Variants in HOMER2 observed in about 807,000 individuals in gnomAD.
HOMER2 encodes homer protein homolog 2.
A neutral mutation model predicts 47.0 loss-of-function variants in HOMER2; 27 were observed. The ratio of observed to expected loss-of-function variants is 0.57; its 90% confidence interval spans 0.42 to 0.79. HOMER2 has a LOEUF of 0.79. Ranked by LOEUF, HOMER2 falls within the 30% of genes least tolerant of loss-of-function variation. The pLI, the probability that HOMER2 is intolerant of heterozygous loss-of-function variation, is 0.00. For missense variants in HOMER2, 443 were observed against 435.0 expected (o/e 1.02, Z -0.16); for synonymous variants, 161 against 163.8 (o/e 0.98, Z 0.13).
At chr15:82,903,175 T>C (rs539006000) in intron 1 of HOMER2, among the ~76,000 whole-genome samples, 7 of 152,254 alleles carry the variant, frequency 4.6e-5, no homozygotes, top group African/African-American at 1.7e-4. Context: ...TTCGCAATCA[T>C]CCAGGCACCT....
chr15:82,923,693 C>T (rs564035575), intron 1 of HOMER2, among the ~76,000 whole-genome samples: 119 of 152,226 alleles, frequency 7.8e-4, no homozygotes, highest in African/African-American at 1.6e-3. Flanking sequence ...CTCCCATGCA[C>T]GCATGCAAGT....
chr15:82,875,183 C>T, intron 3 of HOMER2, 90 bp downstream of exon 3: 2 of 1,455,440 alleles, frequency 1.4e-6, no homozygotes, highest in Non-Finnish European at 1.9e-6. Context: ...AGGAATCCTG[C>T]TCACCAAGGG....
At chr15:82,939,483 A>G (rs895763788) in intron 1 of HOMER2, among the ~76,000 whole-genome samples, 2 of 152,168 alleles carry the variant, frequency 1.3e-5, no homozygotes, top group East Asian at 1.9e-4. Flanking sequence ...CCTGGCCAAC[A>G]TGGCAAAACC....
At chr15:82,951,883 G>T (rs7176998) in intron 1 of HOMER2, 5,364 of 187,634 alleles carry the variant, frequency 0.029, 279 homozygotes, top group African/African-American at 0.12. Flanking sequence ...AGAGCCTACT[G>T]CTCAGAGAGA....
chr15:82,920,386 T>C (rs953981188), intron 1 of HOMER2, among the ~76,000 whole-genome samples: 6 of 152,156 alleles, frequency 3.9e-5, no homozygotes, highest in African/African-American at 1.4e-4. Context: ...GGAATTTATT[T>C]TCTCACAGCT....
intron 1 of HOMER2, among the ~76,000 whole-genome samples, chr15:82,968,149 G>A (rs1278335933): frequency 6.6e-6 from 1 of 152,036 alleles, no homozygotes; most frequent in South Asian, 2.1e-4. Flanking sequence ...TGATCCTCCC[G>A]CCTCAGCTTC....
At chr15:82,890,473 T>C (rs149287470) in intron 2 of HOMER2, among the ~76,000 whole-genome samples, 1 of 152,090 alleles carries the variant, frequency 6.6e-6, no homozygotes, top group African/African-American at 2.4e-5. Flanking sequence ...TGTAAGTGAG[T>C]CTATAGCTTG....
exon 2 of HOMER2, chr15:82,838,818 T>G (rs908735856): frequency 3.9e-5 from 6 of 152,162 alleles, no homozygotes; most frequent in Admixed American, 3.9e-4. Context: ...CTCACTTGAA[T>G]GAAGGAAAAA....
intron 6 of HOMER2, chr15:82,852,528 G>A: frequency 2.8e-6 from 1 of 353,654 alleles, no homozygotes; most frequent in Non-Finnish European, 5.1e-6. Context: ...AAGATGCTCT[G>A]GGCTTCTGGT....
intron 1 of HOMER2, among the ~76,000 whole-genome samples, chr15:82,934,180 C>A (rs1016021973): frequency 6.6e-6 from 1 of 152,140 alleles, no homozygotes; most frequent in Non-Finnish European, 1.5e-5. Flanking sequence ...TGGTGGCCCC[C>A]ATCATGCAGT....
chr15:82,952,515 G>C lies in HOMER2; in HGVS notation c.5+16C>G, dbSNP rs2054530209. On this transcript the variant is annotated intron_variant, in intron 1 of 8. Coordinates refer to ENST00000450735, the MANE Select transcript of HOMER2 (RefSeq NM_004839.4). ...CGGAGGGGCGCGCGGAGAGCGCGCG[G>C]CGCGGGCTCACTCACCCCATCTCCG... 1 of 1,188,960 alleles carries C rather than the reference G, an allele frequency of 8.4e-7. No individual in the cohort carries two copies. Among genetic ancestry groups the C allele is most frequent in the Non-Finnish European group, 1.0e-6 (1 of 959,710 alleles). 73.7% of individuals were successfully genotyped at this position (1,188,960 alleles called of 1,614,324 possible).
Position 82,880,686 on chromosome 15 carries a change from G to A in HOMER2, c.163-5282C>T, listed in dbSNP as rs1026299191. ...ACACTGGAAGATTGTGTTAGGGACCGAGGAGGTGGCTGGACCTGTGGGTTC... is the reference window on the plus strand; with the variant it reads ...ACACTGGAAGATTGTGTTAGGGACCAAGGAGGTGGCTGGACCTGTGGGTTC... On this transcript the variant is annotated intron_variant, in intron 2 of 8. Coordinates refer to ENST00000450735, the MANE Select transcript of HOMER2 (RefSeq NM_004839.4). Among the ~76,000 whole-genome samples the A allele has an allele frequency of 4.6e-5, 7 of 152,310 alleles. No homozygotes were observed. The East Asian group carries it at 7.7e-4, about 17-fold the overall frequency.
intron 1 of HOMER2, among the ~76,000 whole-genome samples, chr15:82,940,760 G>A (rs2054248335): frequency 6.6e-6 from 1 of 151,960 alleles, no homozygotes; most frequent in Non-Finnish European, 1.5e-5. Flanking sequence ...GTGTATGGTG[G>A]CATGTGCCTG....
chr15:82,908,417 A>C (rs1241813774), intron 1 of HOMER2, among the ~76,000 whole-genome samples: 1 of 152,164 alleles, frequency 6.6e-6, no homozygotes, highest in South Asian at 2.1e-4. Flanking sequence ...TGACCATGTC[A>C]AAACTAAGTG....
At chr15:82,908,394 C>T (rs558470664) in intron 1 of HOMER2, among the ~76,000 whole-genome samples, 1 of 152,310 alleles carries the variant, frequency 6.6e-6, no homozygotes, top group Admixed American at 6.5e-5. Flanking sequence ...GTCACTTATA[C>T]TAAAGTTCCA....
At chr15:82,974,265 G>A (rs1289129035) in intron 1 of HOMER2, among the ~76,000 whole-genome samples, 11 of 151,236 alleles carry the variant, frequency 7.3e-5, no homozygotes, top group East Asian at 5.9e-4. Flanking sequence ...TTAGCCAGCC[G>A]TGGTGGCACG....
At chr15:82,836,108 A>G (rs910748387), downstream of HOMER2, 1 of 152,188 alleles carries the variant, frequency 6.6e-6, no homozygotes, top group Non-Finnish European at 1.5e-5. Flanking sequence ...TCCTGGCCCA[A>G]TTGTGTCTTC....
chr15:82,878,778 C>A (rs1165289367), intron 2 of HOMER2, among the ~76,000 whole-genome samples: 2 of 152,164 alleles, frequency 1.3e-5, no homozygotes, highest in African/African-American at 2.4e-5. Context: ...CAGGTGTGCA[C>A]CACCATGCCC....
At chr15:82,959,426 T>G (rs560503096) in intron 1 of HOMER2, 2 of 152,152 alleles carry the variant, frequency 1.3e-5, no homozygotes, top group Non-Finnish European at 2.9e-5. Context: ...TGTTGGATAA[T>G]AGGTAGTTGA....
Sources: gnomAD v4.1 joint callset for allele counts (sites outside exome capture counted in the v4.1 genomes callset) on GRCh38, gnomAD v4.1.1 for gene constraint, MANE v1.5 for transcripts, NCBI Gene and HGNC (gene_info 2026-07-23, HGNC 2026-07-21) for gene names.